The following EXD2 variants were observed in gnomAD, a reference collection of about 807,000 sequenced individuals.
The protein encoded by EXD2 is exonuclease 3'-5' domain-containing protein 2.
In EXD2, 40 loss-of-function variants were observed where a neutral mutation model predicts 62.5. That is an observed-to-expected ratio of 0.64 (90% CI 0.50 to 0.83). The LOEUF (loss-of-function observed/expected upper bound fraction) is 0.83. Ranked by LOEUF, EXD2 falls within the 40% of genes least tolerant of loss-of-function variation. The pLI is 0.00. For synonymous variants in EXD2, 239 were observed against 291.9 expected (o/e 0.82, Z 1.85); for missense variants, 671 against 761.8 (o/e 0.88, Z 1.40).
intron 8 of EXD2, among the ~76,000 whole-genome samples, chr14:69,236,983 GC>G (rs1266985385): frequency 3.3e-5 from 5 of 152,208 alleles, no homozygotes; most frequent in African/African-American, 9.6e-5. Flanking sequence ...GGGTGAGGCT[GC>G]CGACTACGTC....
At chr14:69,195,192 G>C (rs913651803) in intron 1 of EXD2, among the ~76,000 whole-genome samples, 34 of 149,432 alleles carry the variant, frequency 2.3e-4, no homozygotes, top group African/African-American at 8.4e-4. Flanking sequence ...ACTCCAGCCT[G>C]AGTAACAGAG....
In EXD2 at chr14:69,209,429, G is replaced by A. The variant is rs1448555894; in HGVS notation, c.-42G>A. 2 of 1,418,626 alleles carry A rather than the reference G, an allele frequency of 1.4e-6. No homozygotes were observed. The highest frequency in any genetic ancestry group is 1.9e-6 in the Non-Finnish European group (2 of 1,071,922). 87.9% of individuals were successfully genotyped at this position (1,418,626 alleles called of 1,614,324 possible). A position where few individuals can be genotyped will look rare whatever the true frequency, so the allele number is the denominator to read the frequency against. ...TTTTGCCATTTGTTTTGCAGATTGTGGGATTAGTGATATGCTTTTCTAAAG... is the reference window on the plus strand; with the variant it reads ...TTTTGCCATTTGTTTTGCAGATTGTAGGATTAGTGATATGCTTTTCTAAAG... On this transcript the variant is annotated 5_prime_UTR_variant, in exon 3 of 10. Coordinates refer to ENST00000685843, the MANE Select transcript of EXD2 (RefSeq NM_001193360.2).
At chr14:69,195,802 G>A (rs2042185635) in intron 1 of EXD2, among the ~76,000 whole-genome samples, 1 of 152,084 alleles carries the variant, frequency 6.6e-6, no homozygotes, top group Admixed American at 6.6e-5. Context: ...TTTAACTTAG[G>A]ATAATGTACT....
chr14:69,239,087 C>T (rs1441115380), intron 9 of EXD2: 3 of 152,174 alleles, frequency 2.0e-5, no homozygotes, highest in Non-Finnish European at 4.4e-5. Flanking sequence ...TCCAGGGTAT[C>T]GGCTCACTGA....
In EXD2 at chr14:69,241,722, T is replaced by C. The variant is rs983950795; in HGVS notation, c.*622T>C. The C allele has an allele frequency of 1.8e-5, 7 of 397,548 alleles. No individual in the cohort carries two copies. Among genetic ancestry groups the C allele is most frequent in the African/African-American group, 1.4e-4 (7 of 48,620 alleles). The allele number at this position is 397,548 out of a possible 1,614,324, so 24.6% of individuals were successfully genotyped here. On this transcript the variant is annotated 3_prime_UTR_variant, in exon 10 of 10. Coordinates refer to ENST00000685843, the MANE Select transcript of EXD2 (RefSeq NM_001193360.2). ...TACACTTCCAGGACCAAACAGCAAC[T>C]TCCTGCCACACACTTCCACCCTATC...
chr14:69,236,710 A>G (rs2043804574), intron 8 of EXD2, among the ~76,000 whole-genome samples, 168 bp downstream of exon 8: 1 of 152,180 alleles, frequency 6.6e-6, no homozygotes, highest in South Asian at 2.1e-4. Flanking sequence ...CGCCCTTGCT[A>G]TAGTGGCCCT....
At chr14:69,221,358 C>T (rs1043253201) in intron 3 of EXD2, among the ~76,000 whole-genome samples, 1 of 152,116 alleles carries the variant, frequency 6.6e-6, no homozygotes, top group African/African-American at 2.4e-5. Flanking sequence ...ATTATGGATA[C>T]AATTTCTTGA....
intron 3 of EXD2, among the ~76,000 whole-genome samples, chr14:69,212,609 T>C (rs1417107090): frequency 6.6e-6 from 1 of 150,988 alleles, no homozygotes; most frequent in African/African-American, 2.4e-5. Context: ...CTCGAACTCA[T>C]GGGCTAAAAT....
At position 69,209,824 on chromosome 14, in the gene EXD2, T is replaced by G. The variant is rs1451444581; in HGVS notation, c.333+21T>G. 9.5e-6 allele frequency: 10 copies of G among 1,056,666 alleles called. No homozygotes were observed. In the South Asian group the frequency reaches 2.2e-4, roughly 23 times the overall value. 65.5% of individuals were successfully genotyped at this position (1,056,666 alleles called of 1,614,324 possible). ...AGTGGGTAAGTTAAAAAGCAAAAGTTAAAAAAAAAAAAAAAAAACAACTTC... is the reference window on the plus strand; with the variant it reads ...AGTGGGTAAGTTAAAAAGCAAAAGTGAAAAAAAAAAAAAAAAAACAACTTC... On this transcript the variant is annotated intron_variant, in intron 3 of 9. Coordinates refer to ENST00000685843, the MANE Select transcript of EXD2 (RefSeq NM_001193360.2).
chr14:69,228,821 T>G lies in EXD2; in HGVS notation c.339T>G (p.Asn113Lys). ...PVLGIDCEWV[N>K]LEGKASPLSL... Reference sequence around the variant, plus strand: ...CTTGTCTTCCTCTGTTGCAGGTAAATTTGGAAGGCAAAGCCAGCCCTCTGT... The same window carrying G: ...CTTGTCTTCCTCTGTTGCAGGTAAAGTTGGAAGGCAAAGCCAGCCCTCTGT... The change falls in exon 4 of 10, where the codon AAT becomes AAG. Residue 113 changes from asparagine to lysine, a missense_variant. Transcript: ENST00000685843. The G allele has an allele frequency of 6.2e-7, 1 of 1,611,930 alleles. No individual in the cohort carries two copies. Among genetic ancestry groups the G allele is most frequent in the Non-Finnish European group, 8.5e-7 (1 of 1,179,028 alleles).
intron 1 of EXD2, among the ~76,000 whole-genome samples, chr14:69,195,443 C>T (rs149692978): frequency 7.3e-4 from 111 of 152,272 alleles, no homozygotes; most frequent in African/African-American, 2.6e-3. Context: ...GTGACTCACC[C>T]GCCTTGGCCT....
intron 1 of EXD2, chr14:69,196,004 T>A (rs1478103663): frequency 6.6e-6 from 1 of 152,232 alleles, no homozygotes; most frequent in Middle Eastern, 3.2e-3. Flanking sequence ...TCAGCAGGGT[T>A]GTGCTCTTCC....
At position 69,209,732 on chromosome 14, in the gene EXD2, T is replaced by C. The variant is rs1226153806; in HGVS notation, c.262T>C (p.Trp88Arg). 18 of 1,548,590 alleles carry C rather than the reference T, an allele frequency of 1.2e-5. No homozygotes were observed. The highest frequency in any genetic ancestry group is 1.6e-5 in the Non-Finnish European group (18 of 1,146,534). ...GGTGACGGTGTCTCAGGAGGCAGAG[T>C]GGGATCAAATCGAGCCCTTGCTTAG... ...KVVTVSQEAE[W>R]DQIEPLLRSE... The change falls in exon 3 of 10, where the codon TGG (tryptophan) becomes CGG (arginine). Residue 88 changes from tryptophan to arginine, a missense_variant. Coordinates refer to ENST00000685843, the MANE Select transcript of EXD2 (RefSeq NM_001193360.2).
At chr14:69,201,682 T>G (rs979584812) in intron 1 of EXD2, among the ~76,000 whole-genome samples, 29 of 134,064 alleles carry the variant, frequency 2.2e-4, no homozygotes, top group Admixed American at 2.0e-3. Flanking sequence ...GTTTTTTTTT[T>G]TTTTTTTTTT....
At chr14:69,223,813 A>G (rs1297644081) in intron 3 of EXD2, among the ~76,000 whole-genome samples, 1 of 152,188 alleles carries the variant, frequency 6.6e-6, no homozygotes, top group African/African-American at 2.4e-5. Context: ...TCCCAAAACC[A>G]TCATCCTGTA....
intron 7 of EXD2, 66 bp downstream of exon 7, chr14:69,236,218 G>A: frequency 6.6e-7 from 1 of 1,524,492 alleles, no homozygotes; most frequent in Non-Finnish European, 9.1e-7. Flanking sequence ...GGAGTGGGGA[G>A]TGAGATAAGG....
intron 9 of EXD2, 110 bp downstream of exon 9, chr14:69,238,041 C>T: frequency 1.1e-6 from 1 of 884,340 alleles, no homozygotes; most frequent in South Asian, 1.7e-5. Flanking sequence ...TGCCTAGCCT[C>T]ATGCTTCACC....
chr14:69,218,774 C>T (rs550272637), intron 3 of EXD2, among the ~76,000 whole-genome samples: 3 of 152,238 alleles, frequency 2.0e-5, no homozygotes, highest in South Asian at 2.1e-4. Flanking sequence ...AATCCTTTCC[C>T]CATTTCTTGT....
chr14:69,235,340 G>T (rs2140033371), intron 6 of EXD2, among the ~76,000 whole-genome samples: 1 of 152,214 alleles, frequency 6.6e-6, no homozygotes, highest in East Asian at 1.9e-4. Flanking sequence ...CTGTAAATGG[G>T]GATATAATTA....
Sources: allele counts gnomAD v4.1 joint callset (sites outside exome capture counted in the v4.1 genomes callset), GRCh38; gene constraint gnomAD v4.1.1; transcripts MANE v1.5; gene names NCBI Gene and HGNC (gene_info 2026-07-23, HGNC 2026-07-21).